Variants in NINL observed in about 807,000 individuals in gnomAD.
NINL encodes ninein like.
NINL carries 153 observed loss-of-function variants against 160.3 expected under a neutral mutation model. The ratio of observed to expected loss-of-function variants is 0.95; its 90% CI spans 0.84 to 1.09. The LOEUF (loss-of-function observed/expected upper bound fraction) is 1.09, where lower values mean the gene tolerates loss of function less well. NINL is among the 50% of genes least tolerant of loss of function. NINL has a pLI of 0.00. For synonymous variants in NINL, 800 were observed against 734.8 expected (o/e 1.09, Z -1.43); for missense variants, 1,829 against 1,764.0 (o/e 1.04, Z -0.66).
At chr20:25,458,636 G>A (rs190066083) in intron 21 of NINL, 107 bp from the exon 22 acceptor site, 1 of 1,161,918 alleles carries the variant, frequency 8.6e-7, no homozygotes, top group African/African-American at 1.6e-5. Context: ...AGGAAAGCGT[G>A]TGCTCCCGAG....
chr20:25,472,442 C>A (rs1405631612), intron 17 of NINL, among the ~76,000 whole-genome samples: 1 of 148,642 alleles, frequency 6.7e-6, no homozygotes, highest in Non-Finnish European at 1.5e-5. Context: ...TCTTGGCTCA[C>A]TGCAACCTCC....
At chr20:25,569,420 G>A (rs558489114) in intron 1 of NINL, among the ~76,000 whole-genome samples, 1 of 152,134 alleles carries the variant, frequency 6.6e-6, no homozygotes, top group Non-Finnish European at 1.5e-5. Flanking sequence ...ATTTACCTGG[G>A]AGCGTCTGTG....
chr20:25,469,945 G>A lies in NINL; in HGVS notation c.3353+46C>T, dbSNP rs2063051219. ...GACTGCATAAGGTCACTCTACGGAG[G>A]GCAAAACGCACCCCCAGAAGGTCTG... On this transcript the variant is annotated intron_variant, in intron 18 of 23. Transcript: ENST00000278886. The A allele has an allele frequency of 3.6e-6, 5 of 1,394,716 alleles. No individual in the cohort carries two copies. In the African/African-American group the frequency reaches 5.7e-5, roughly 16 times the overall value. 86.4% of individuals were successfully genotyped at this position (1,394,716 alleles called of 1,614,324 possible). A position where few individuals can be genotyped will look rare whatever the true frequency, so the allele number is the denominator to read the frequency against.
Position 25,496,662 on chromosome 20 carries a change from C to G in NINL, c.1310+1G>C, listed in dbSNP as rs1257456920. On this transcript the variant is annotated splice_donor_variant, in intron 10 of 23. Coordinates refer to ENST00000278886, the MANE Select transcript of NINL (RefSeq NM_025176.6). LOFTEE classifies it high-confidence loss of function. ...ATCCACCACCTGGGCCCAGAACCCACTTGATTTTCTTCTCCGTGAGCTGCT... is the reference window on the plus strand; with the variant it reads ...ATCCACCACCTGGGCCCAGAACCCAGTTGATTTTCTTCTCCGTGAGCTGCT... 3 of 1,613,958 alleles carry G rather than the reference C, an allele frequency of 1.9e-6. No individual in the cohort carries two copies. The East Asian group carries it at 6.7e-5, about 36-fold the overall frequency.
intron 17 of NINL, among the ~76,000 whole-genome samples, chr20:25,473,539 G>A (rs1314398425): frequency 8.6e-6 from 1 of 116,014 alleles, no homozygotes. Flanking sequence ...AAAACAAAGT[G>A]GCCAGGCCTG....
intron 1 of NINL, among the ~76,000 whole-genome samples, chr20:25,553,416 T>C (rs1490483929): frequency 6.6e-6 from 1 of 152,214 alleles, no homozygotes; most frequent in Non-Finnish European, 1.5e-5. Flanking sequence ...CAGGCCCCAG[T>C]GTCTCCACTT....
chr20:25,499,507 T>G (rs1260505316), intron 8 of NINL, among the ~76,000 whole-genome samples: 1 of 151,664 alleles, frequency 6.6e-6, no homozygotes, highest in Non-Finnish European at 1.5e-5. Flanking sequence ...GGCTGTGGAG[T>G]CAGGTGTCGG....
At position 25,453,468 on chromosome 20, in the gene NINL, C is replaced by A; in HGVS notation, c.4132G>T (p.Ala1378Ser). 1 of 1,609,880 alleles carries A rather than the reference C, an allele frequency of 6.2e-7. No individual in the cohort carries two copies. The highest frequency in any genetic ancestry group is 8.5e-7 in the Non-Finnish European group (1 of 1,178,004). ...ATCTGTCTTTACACAGAGAGGGCTG[C>A]GGGGGCAATCCTACTGACGAGTTTG... ...LNKLVSRIAP[A>S]ALSV The change falls in exon 24 of 24, where the codon GCA becomes TCA. Residue 1378 changes from alanine (A) to serine (S), a missense_variant. Physicochemically the swap from Ala to Ser is moderately conservative, Grantham distance 99. Coordinates refer to ENST00000278886, the MANE Select transcript of NINL (RefSeq NM_025176.6).
rs1035387038 is a variant in NINL at position 25,489,301 on chromosome 20, G to A, written c.1620C>T (p.Leu540=). Reference sequence around the variant, plus strand: ...CTGCGAACCGCTCCTCCTGGGCCAGGAGCTCTGCACTCTGTGGCTCCAGCT... The same window carrying A: ...CTGCGAACCGCTCCTCCTGGGCCAGAAGCTCTGCACTCTGTGGCTCCAGCT... ...KDKLEPQSAE[L]LAQEERFAAV... is the part of the protein sequence containing the mutation. Residue 540 remains leucine, a synonymous_variant, in exon 13 of 24, where the codon CTC becomes CTT. Transcript: ENST00000278886. 40 of 1,614,044 alleles carry A rather than the reference G, an allele frequency of 2.5e-5. No homozygotes were observed. Among genetic ancestry groups the A allele is most frequent in the Non-Finnish European group, 3.3e-5 (39 of 1,180,012 alleles).
At position 25,561,671 on chromosome 20, in the gene NINL, G is replaced by T. The variant is rs1263607920; in HGVS notation, c.-12+23784C>A. Among the ~76,000 whole-genome samples the T allele has an allele frequency of 1.0e-4, 15 of 149,952 alleles. No homozygotes were observed. The East Asian group carries it at 2.8e-3, about 28-fold the overall frequency. On this transcript the variant is annotated intron_variant, in intron 1 of 23. Coordinates refer to ENST00000278886, the MANE Select transcript of NINL (RefSeq NM_025176.6). ...GCCCATCGTCTGAGATGTGGGGAGC[G>T]CCTCTGCCCCGCCGCCCCGTCTGGG...
chr20:25,530,266 G>GT (rs2064433769), intron 1 of NINL, among the ~76,000 whole-genome samples: 1 of 152,146 alleles, frequency 6.6e-6, no homozygotes. Flanking sequence ...AGACACACAT[G>GT]TATTTTCACA....
At chr20:25,548,006 T>G (rs923102215) in intron 1 of NINL, among the ~76,000 whole-genome samples, 4 of 152,216 alleles carry the variant, frequency 2.6e-5, no homozygotes, top group African/African-American at 9.6e-5. Context: ...ATCAAACTAA[T>G]GAGGTAACAC....
intron 1 of NINL, among the ~76,000 whole-genome samples, chr20:25,585,067 A>C (rs1357929896): frequency 6.6e-6 from 1 of 152,090 alleles, no homozygotes; most frequent in Non-Finnish European, 1.5e-5. Context: ...CGCGCTGGGC[A>C]GGCGGCGGGC....
At chr20:25,490,112 G>A (rs1310985146) in intron 11 of NINL, 127 bp from the exon 12 acceptor site, 6 of 834,084 alleles carry the variant, frequency 7.2e-6, no homozygotes, top group East Asian at 5.1e-5. Flanking sequence ...CACCGCAGGC[G>A]AGGCACCTGG....
chr20:25,555,278 A>G (rs1407077705), intron 1 of NINL, among the ~76,000 whole-genome samples: 1 of 152,150 alleles, frequency 6.6e-6, no homozygotes, highest in Non-Finnish European at 1.5e-5. Flanking sequence ...ACGTACAGAC[A>G]GGCCCCACAA....
chr20:25,478,205 C>T (rs1292136598), intron 16 of NINL, among the ~76,000 whole-genome samples: 2 of 152,154 alleles, frequency 1.3e-5, no homozygotes, highest in African/African-American at 4.8e-5. Flanking sequence ...CCGCCTTGGC[C>T]TCCCAAAGTG....
chr20:25,583,593 A>G (rs762965256), intron 1 of NINL, among the ~76,000 whole-genome samples: 59 of 152,220 alleles, frequency 3.9e-4, no homozygotes, highest in Admixed American at 3.2e-3. Flanking sequence ...AGAACCAGAA[A>G]TAACATTTGA....
At chr20:25,504,187 C>A in intron 6 of NINL, 83 bp from the exon 7 acceptor site, 1 of 1,428,282 alleles carries the variant, frequency 7.0e-7, no homozygotes, top group Non-Finnish European at 9.4e-7. Flanking sequence ...CCCTCCCTCC[C>A]TCTGGTTCCA....
At chr20:25,483,659 G>T (rs1315676651) in intron 13 of NINL, among the ~76,000 whole-genome samples, 1 of 152,290 alleles carries the variant, frequency 6.6e-6, no homozygotes, top group Non-Finnish European at 1.5e-5. Flanking sequence ...GGCAGGGTGG[G>T]TGGAAGCTTC....
Sources: allele counts gnomAD v4.1 joint callset (sites outside exome capture counted in the v4.1 genomes callset), GRCh38; gene constraint gnomAD v4.1.1; transcripts MANE v1.5; gene names NCBI Gene and HGNC (gene_info 2026-07-23, HGNC 2026-07-21).